Variants in COL4A5 observed in about 807,000 individuals in gnomAD.
COL4A5 encodes collagen alpha-5(IV) chain.
A neutral mutation model predicts 130.2 loss-of-function variants in COL4A5; 26 were observed. That is an observed-to-expected ratio of 0.20 (90% CI 0.15 to 0.28). The LOEUF (loss-of-function observed/expected upper bound fraction) is 0.28, where lower values mean the gene tolerates loss of function less well. COL4A5 is among the 10% of genes least tolerant of loss of function. The pLI is 1.00. For missense variants in COL4A5, 1,131 were observed against 1,344.3 expected, an observed-to-expected ratio of 0.84 and a Z score of 2.48; for synonymous variants, 496 against 439.6, an observed-to-expected ratio of 1.13 and a Z score of -1.60.
chrX:108,543,232 T>A (rs773237105), intron 2 of COL4A5, among the ~76,000 whole-genome samples: 1 of 111,677 alleles, frequency 9.0e-6, no homozygotes, highest in Admixed American at 9.5e-5. Flanking sequence ...AGGGTTTTTA[T>A]GGTTTTAGAT....
At position 108,620,354 on chromosome X, in the gene COL4A5, G is replaced by A. The variant is rs104886189; in HGVS notation, c.2605G>A (p.Gly869Arg). Reference protein sequence around the residue: ...PGERGSPGIPGAPGPIGPPGS... With the variant: ...PGERGSPGIPRAPGPIGPPGS... ...TGAAAGAGGCAGTCCAGGGATCCCC[G>A]GAGCACCTGGTCCTATAGGACCTCC... Residue 869 changes from glycine (G) to arginine (R), a missense_variant, in exon 31 of 53, where the codon GGA (glycine) becomes AGA (arginine). Transcript: ENST00000328300. 1.7e-6 allele frequency: 2 copies of A among 1,209,034 alleles called. No homozygotes were observed. The highest frequency in any genetic ancestry group is 2.2e-6 in the Non-Finnish European group (2 of 893,507).
At chrX:108,647,511 A>G (rs890638935) in intron 36 of COL4A5, among the ~76,000 whole-genome samples, 3 of 111,389 alleles carry the variant, frequency 2.7e-5, no homozygotes, top group Non-Finnish European at 5.7e-5. Flanking sequence ...TAGATATACA[A>G]TCCTGTCATC....
intron 1 of COL4A5, among the ~76,000 whole-genome samples, chrX:108,497,628 T>C (rs1222866936): frequency 2.7e-5 from 3 of 111,668 alleles, no homozygotes; most frequent in Non-Finnish European, 5.6e-5. Context: ...TCTTCCTACC[T>C]GCTTGTATTC....
At chrX:108,564,325 T>G (rs144397429) in intron 4 of COL4A5, among the ~76,000 whole-genome samples, 3,316 of 111,412 alleles carry the variant, frequency 0.03, 120 homozygotes, top group African/African-American at 0.1. Flanking sequence ...ATCCTCCTAG[T>G]GTACCATGTA....
At chrX:108,490,230 G>A (rs2064982306) in intron 1 of COL4A5, among the ~76,000 whole-genome samples, 1 of 111,722 alleles carries the variant, frequency 9.0e-6, no homozygotes, top group Non-Finnish European at 1.9e-5. Context: ...TTCCAACATC[G>A]CATATATTCA....
chrX:108,648,427 C>T (rs913450235), intron 36 of COL4A5, among the ~76,000 whole-genome samples: 5 of 110,025 alleles, frequency 4.5e-5, no homozygotes, highest in Non-Finnish European at 9.5e-5. Flanking sequence ...AGCCTAATAC[C>T]GAGACCAAAA....
chrX:108,595,951 C>T (rs946816940), intron 22 of COL4A5, among the ~76,000 whole-genome samples: 5 of 111,605 alleles, frequency 4.5e-5, no homozygotes, highest in African/African-American at 1.6e-4. Context: ...TTTCCAGTGG[C>T]AGAGATTCCA....
At chrX:108,453,022 G>A (rs1037791915) in intron 1 of COL4A5, among the ~76,000 whole-genome samples, 2 of 111,102 alleles carry the variant, frequency 1.8e-5, no homozygotes, top group Non-Finnish European at 3.8e-5. Context: ...TTTATTGAGA[G>A]TTTTTAGCCT....
At chrX:108,546,246 C>T (rs2065651183) in intron 2 of COL4A5, among the ~76,000 whole-genome samples, 1 of 112,003 alleles carries the variant, frequency 8.9e-6, no homozygotes, top group Non-Finnish European at 1.9e-5. Context: ...GTGGCTGGTA[C>T]TGGTTGTTCC....
chrX:108,506,298 T>C (rs1010958364), intron 1 of COL4A5, among the ~76,000 whole-genome samples: 8 of 111,337 alleles, frequency 7.2e-5, no homozygotes, highest in African/African-American at 2.6e-4. Flanking sequence ...TTATTGTTAC[T>C]TCTTTGATAA....
chrX:108,559,677 G>A (rs1430840217), intron 3 of COL4A5, among the ~76,000 whole-genome samples: 1 of 112,017 alleles, frequency 8.9e-6, no homozygotes, highest in Non-Finnish European at 1.9e-5. Context: ...TCCTGCAGTT[G>A]TATGGACCCA....
chrX:108,505,581 C>A, intron 1 of COL4A5, among the ~76,000 whole-genome samples: 1 of 111,043 alleles, frequency 9.0e-6, no homozygotes, highest in East Asian at 2.9e-4. Context: ...ATATTAGTGT[C>A]CTTATAAAAA....
At chrX:108,573,107 A>G (rs1033870679) in intron 8 of COL4A5, among the ~76,000 whole-genome samples, 3 of 107,517 alleles carry the variant, frequency 2.8e-5, no homozygotes, top group Non-Finnish European at 5.7e-5. Flanking sequence ...TACCCAAGCT[A>G]ATTTTCTCCA....
At chrX:108,695,508 T>A in intron 52 of COL4A5, 69 bp downstream of exon 52, 1 of 1,023,429 alleles carries the variant, frequency 9.8e-7, no homozygotes, top group Non-Finnish European at 1.4e-6. Flanking sequence ...AAAGAGACAA[T>A]TTATGGATGG....
At chrX:108,558,589 T>C (rs2065861291) in intron 2 of COL4A5, among the ~76,000 whole-genome samples, 1 of 112,139 alleles carries the variant, frequency 8.9e-6, no homozygotes, top group African/African-American at 3.2e-5. Context: ...ACATTGAATA[T>C]GTATTCATTT....
At chrX:108,591,013 A>G (rs2066423119) in intron 19 of COL4A5, 45 bp from the exon 20 acceptor site, 3 of 1,117,900 alleles carry the variant, frequency 2.7e-6, no homozygotes, top group Non-Finnish European at 3.7e-6. Flanking sequence ...AACTAAAGTA[A>G]CATCTCTAAG....
chrX:108,571,190 T>G (rs150264072), intron 6 of COL4A5, among the ~76,000 whole-genome samples: 8 of 111,884 alleles, frequency 7.2e-5, no homozygotes, highest in African/African-American at 1.6e-4. Context: ...AGATAATTTT[T>G]TTTCTTTACT....
chrX:108,685,777 A>G (rs901097986), intron 47 of COL4A5, among the ~76,000 whole-genome samples: 5 of 112,658 alleles, frequency 4.4e-5, no homozygotes, highest in South Asian at 7.3e-4. Flanking sequence ...TGGGACTTAC[A>G]TTCTTGTCTG....
chrX:108,595,376 C>A (rs893870813), intron 21 of COL4A5, 133 bp from the exon 22 acceptor site: 1 of 538,481 alleles, frequency 1.9e-6, no homozygotes, highest in Admixed American at 2.8e-5. Flanking sequence ...TAAATTGATT[C>A]AGGATATAGG....
Sources: allele counts gnomAD v4.1 joint callset (sites outside exome capture counted in the v4.1 genomes callset), GRCh38; gene constraint gnomAD v4.1.1; transcripts MANE v1.5; gene names NCBI Gene and HGNC (gene_info 2026-07-23, HGNC 2026-07-21).